LRRIQ3: variants seen among roughly 807,000 people sequenced by gnomAD.
LRRIQ3 encodes leucine-rich repeat and IQ domain-containing protein 3.
Under a neutral mutation model 59.3 loss-of-function variants are expected in LRRIQ3, and 75 were observed. The ratio of observed to expected loss-of-function variants is 1.26; its 90% CI spans 1.05 to 1.53. The LOEUF (loss-of-function observed/expected upper bound fraction) is 1.53. LRRIQ3 is among the 40% of genes most tolerant of loss of function. The pLI, the probability that LRRIQ3 is intolerant of heterozygous loss-of-function variation, is 0.00. For synonymous variants in LRRIQ3, 250 were observed against 231.3 expected, an observed-to-expected ratio of 1.08 and a Z score of -0.73; for missense variants, 831 against 710.0, an observed-to-expected ratio of 1.17 and a Z score of -1.94.
chr1:74,159,896 T>G (rs1419843883), intron 3 of LRRIQ3, among the ~76,000 whole-genome samples: 1 of 152,034 alleles, frequency 6.6e-6, no homozygotes, highest in Non-Finnish European at 1.5e-5. Flanking sequence ...TAAACCCATA[T>G]TCCTCTTTCT....
intron 7 of LRRIQ3, 135 bp from the exon 8 acceptor site, chr1:74,027,104 T>G: frequency 1.8e-6 from 1 of 541,756 alleles, no homozygotes; most frequent in East Asian, 3.1e-5. Flanking sequence ...ACAACTCCAT[T>G]TATATAACTT....
At chr1:74,088,049 C>T (rs371103025) in intron 5 of LRRIQ3, among the ~76,000 whole-genome samples, 5 of 151,972 alleles carry the variant, frequency 3.3e-5, no homozygotes, top group East Asian at 1.9e-4. Context: ...GTGGAGATTG[C>T]GCCACTGCAC....
chr1:74,156,220 AC>A (rs1416126728), intron 3 of LRRIQ3, among the ~76,000 whole-genome samples: 1 of 151,926 alleles, frequency 6.6e-6, no homozygotes, highest in Non-Finnish European at 1.5e-5. Flanking sequence ...TCCCTCTCTC[AC>A]CATGTGACTT....
intron 4 of LRRIQ3, among the ~76,000 whole-genome samples, chr1:74,114,564 A>G (rs1570138853): frequency 1.3e-5 from 2 of 151,920 alleles, no homozygotes; most frequent in South Asian, 4.2e-4. Context: ...GTGAAACCCC[A>G]TCTCTACTAA....
In LRRIQ3 at chr1:74,041,482, T is replaced by G. The variant is rs17094774; in HGVS notation, c.1449A>C (p.Leu483Phe). ...TGAATCTGTTTTGCCAAACTTGTCG[T>G]AAACTGTTCTGAATTGTCTCTTTAT... ...EENKETIQNS[L>F]RQVWQNRFNY... Residue 483 changes from leucine to phenylalanine, a missense_variant, in exon 7 of 8, where the codon TTA becomes TTC. Leu to Phe is a conservative substitution (Grantham distance 22). Coordinates refer to ENST00000354431, the MANE Select transcript of LRRIQ3 (RefSeq NM_001105659.2). 2.3e-3 allele frequency: 3,707 copies of G among 1,613,350 alleles called. 74 individuals are homozygous for G. The African/African-American group carries it at 0.044, about 19-fold the overall frequency.
intron 4 of LRRIQ3, among the ~76,000 whole-genome samples, chr1:74,144,984 G>A (rs1010954071): frequency 4.0e-5 from 6 of 151,746 alleles, no homozygotes; most frequent in Non-Finnish European, 7.4e-5. Flanking sequence ...ATATTATAGA[G>A]ACCCCAGATC....
chr1:74,096,542 G>A (rs184515291), intron 5 of LRRIQ3, among the ~76,000 whole-genome samples: 2 of 152,136 alleles, frequency 1.3e-5, no homozygotes, highest in Non-Finnish European at 1.5e-5. Context: ...AAGCCTTCTC[G>A]CAACTCGTTA....
chr1:74,158,390 T>A (rs2100673892), intron 3 of LRRIQ3, among the ~76,000 whole-genome samples: 1 of 152,286 alleles, frequency 6.6e-6, no homozygotes, highest in African/African-American at 2.4e-5. Flanking sequence ...TCTAGTCCCA[T>A]CCTAGCTCCT....
intron 5 of LRRIQ3, among the ~76,000 whole-genome samples, chr1:74,084,436 A>G (rs966933159): frequency 1.3e-5 from 2 of 151,814 alleles, no homozygotes; most frequent in Non-Finnish European, 3.0e-5. Context: ...ATGAGCTCAA[A>G]AGTTAAAATT....
chr1:74,078,694 A>G (rs556277956), intron 5 of LRRIQ3: 3 of 151,952 alleles, frequency 2.0e-5, no homozygotes, highest in East Asian at 1.9e-4. Context: ...TCAGGAAAAC[A>G]TATCTTCAGA....
intron 5 of LRRIQ3, among the ~76,000 whole-genome samples, chr1:74,099,289 T>C (rs538201563): frequency 6.6e-6 from 1 of 151,978 alleles, no homozygotes; most frequent in African/African-American, 2.4e-5. Context: ...TCTACGCAAA[T>C]AAACTAGAAA....
At chr1:74,089,381 A>G (rs1242241677) in intron 5 of LRRIQ3, among the ~76,000 whole-genome samples, 1 of 152,080 alleles carries the variant, frequency 6.6e-6, no homozygotes, top group Non-Finnish European at 1.5e-5. Flanking sequence ...GCATAGTTAA[A>G]AATATCCATA....
chr1:74,070,629 G>GAT (rs1018351615), intron 6 of LRRIQ3, among the ~76,000 whole-genome samples: 58 of 151,630 alleles, frequency 3.8e-4, no homozygotes, highest in African/African-American at 1.4e-3. Flanking sequence ...AACTTAAAAT[G>GAT]ATATATATAT....
At chr1:74,166,135 T>G (rs1311373032) in intron 3 of LRRIQ3, among the ~76,000 whole-genome samples, 1 of 151,648 alleles carries the variant, frequency 6.6e-6, no homozygotes, top group Non-Finnish European at 1.5e-5. Context: ...ACAGAATTGG[T>G]GTTACTTTTA....
At chr1:74,097,511 C>A (rs1422961492) in intron 5 of LRRIQ3, among the ~76,000 whole-genome samples, 1 of 152,054 alleles carries the variant, frequency 6.6e-6, no homozygotes, top group Non-Finnish European at 1.5e-5. Context: ...ACTTCCCCAG[C>A]CTAGAAAGGC....
At chr1:74,176,173 T>C (rs374903642) in intron 3 of LRRIQ3, among the ~76,000 whole-genome samples, 1 of 152,146 alleles carries the variant, frequency 6.6e-6, no homozygotes, top group South Asian at 2.1e-4. Context: ...TCTCTTAGTT[T>C]TCCTCTATCT....
At chr1:74,115,623 A>C (rs1324220260) in intron 4 of LRRIQ3, among the ~76,000 whole-genome samples, 3 of 152,174 alleles carry the variant, frequency 2.0e-5, no homozygotes. Context: ...AGTGTGAGAC[A>C]GTCCAGATCT....
chr1:74,182,913 G>C (rs1294832483), intron 2 of LRRIQ3, 52 bp from the exon 3 acceptor site: 3 of 1,021,318 alleles, frequency 2.9e-6, no homozygotes, highest in African/African-American at 1.6e-5. Flanking sequence ...TTTTCGAATA[G>C]CACAGAAAAT....
chr1:74,132,951 T>A (rs1234478914), intron 4 of LRRIQ3, among the ~76,000 whole-genome samples: 2 of 152,092 alleles, frequency 1.3e-5, no homozygotes, highest in African/African-American at 4.8e-5. Context: ...GAGAAAAATT[T>A]TGCAATCTAC....
Sources: allele counts gnomAD v4.1 joint callset (sites outside exome capture counted in the v4.1 genomes callset), GRCh38; gene constraint gnomAD v4.1.1; transcripts MANE v1.5; gene names NCBI Gene and HGNC (gene_info 2026-07-23, HGNC 2026-07-21).